Variants in MYH15 observed in about 807,000 individuals in gnomAD.
MYH15 encodes the protein myosin heavy chain 15.
A neutral mutation model predicts 240.5 loss-of-function variants in MYH15; 227 were observed. The observed-to-expected ratio is 0.94, with a 90% CI of 0.85 to 1.05. MYH15 has a LOEUF of 1.05. Among genes scored for constraint, MYH15 ranks in the 50% least tolerant of loss-of-function variants. The probability of loss-of-function intolerance (pLI) is 0.00; values close to 1 mark genes in which losing one functional copy is unlikely to be tolerated. For missense variants in MYH15, 2,217 were observed against 2,247.5 expected (o/e 0.99, Z 0.27); for synonymous variants, 785 against 796.7 (o/e 0.99, Z 0.25).
At chr3:108,461,810 G>A (rs963095912) in intron 16 of MYH15, 2 of 152,170 alleles carry the variant, frequency 1.3e-5, no homozygotes, top group African/African-American at 4.8e-5. Context: ...ATCATGTGCT[G>A]ATGAAGCCAG....
intron 35 of MYH15, among the ~76,000 whole-genome samples, chr3:108,395,309 C>T (rs929204874): frequency 6.6e-6 from 1 of 152,178 alleles, no homozygotes; most frequent in African/African-American, 2.4e-5. Flanking sequence ...TCCAGCATCA[C>T]TGGTTCTATC....
chr3:108,418,542 T>A (rs149659444), intron 28 of MYH15, among the ~76,000 whole-genome samples: 1 of 152,118 alleles, frequency 6.6e-6, no homozygotes, highest in Non-Finnish European at 1.5e-5. Flanking sequence ...TATACTAAAA[T>A]AGCTTCAACC....
intron 1 of MYH15, among the ~76,000 whole-genome samples, chr3:108,509,312 T>C (rs1192469082): frequency 6.6e-6 from 1 of 152,240 alleles, no homozygotes; most frequent in Non-Finnish European, 1.5e-5. Flanking sequence ...CATCATCCAA[T>C]TATCTCTAAT....
intron 33 of MYH15, among the ~76,000 whole-genome samples, chr3:108,401,475 G>A (rs981123794): frequency 2.0e-5 from 3 of 152,208 alleles, no homozygotes; most frequent in African/African-American, 7.2e-5. Flanking sequence ...ATACATTTCT[G>A]CTGTTGAAGC....
At chr3:108,397,581 T>A (rs1000020229) in intron 35 of MYH15, among the ~76,000 whole-genome samples, 1 of 152,224 alleles carries the variant, frequency 6.6e-6, no homozygotes, top group Non-Finnish European at 1.5e-5. Context: ...CAGGTTATGG[T>A]GGGGGTGCCC....
the MYH15 span, among the ~76,000 whole-genome samples, chr3:108,541,323 T>A: frequency 6.6e-6 from 1 of 150,498 alleles, no homozygotes; most frequent in African/African-American, 2.4e-5. Flanking sequence ...GATGAAAAAA[T>A]TACAAATAAA....
chr3:108,421,351 G>T, intron 27 of MYH15, 137 bp from the exon 28 acceptor site: 1 of 1,018,112 alleles, frequency 9.8e-7, no homozygotes, highest in Non-Finnish European at 1.4e-6. Context: ...AGCATTGGGA[G>T]ATCACATCTT....
chr3:108,383,750 A>AAG (rs2082361846), intron 39 of MYH15, 21 bp from the exon 40 acceptor site: 1 of 1,536,334 alleles, frequency 6.5e-7, no homozygotes. Flanking sequence ...AAAAAAAAAA[A>AAG]AAAAGAAATC....
At chr3:108,435,360 A>G (rs1239031266) in intron 25 of MYH15, among the ~76,000 whole-genome samples, 1 of 152,192 alleles carries the variant, frequency 6.6e-6, no homozygotes, top group East Asian at 1.9e-4. Context: ...TTTAAGTACA[A>G]AATGTAGTAT....
chr3:108,491,069 G>A (rs1010665679), intron 9 of MYH15, among the ~76,000 whole-genome samples: 10 of 151,906 alleles, frequency 6.6e-5, no homozygotes, highest in East Asian at 5.8e-4. Flanking sequence ...TGTATTTTTC[G>A]TAGAGACTGG....
At chr3:108,541,462 A>C in the MYH15 span, among the ~76,000 whole-genome samples, 2 of 152,026 alleles carry the variant, frequency 1.3e-5, no homozygotes, top group Non-Finnish European at 2.9e-5. Context: ...CCAGTTAAAA[A>C]AAAAAGATGA....
chr3:108,548,680 T>C, the MYH15 span, among the ~76,000 whole-genome samples: 3 of 152,134 alleles, frequency 2.0e-5, no homozygotes, highest in African/African-American at 7.2e-5. Flanking sequence ...AAGTTGTAAA[T>C]ATAGTTCATA....
upstream of MYH15, among the ~76,000 whole-genome samples, chr3:108,512,152 C>A (rs1238648892): frequency 6.6e-6 from 1 of 152,122 alleles, no homozygotes; most frequent in Non-Finnish European, 1.5e-5. Context: ...GGGAAAAAGA[C>A]AAAACTGATT....
intron 1 of MYH15, among the ~76,000 whole-genome samples, chr3:108,523,503 T>C (rs2083639461): frequency 6.6e-6 from 1 of 152,016 alleles, no homozygotes; most frequent in East Asian, 1.9e-4. Flanking sequence ...TACATACATA[T>C]ATAATACACT....
At chr3:108,451,966 C>T (rs2082977759) in intron 21 of MYH15, among the ~76,000 whole-genome samples, 1 of 139,868 alleles carries the variant, frequency 7.1e-6, no homozygotes, top group Non-Finnish European at 1.5e-5. Flanking sequence ...AGGGAATGTC[C>T]TTCATATAAT....
At chr3:108,432,175 C>T (rs1159463250) in intron 25 of MYH15, among the ~76,000 whole-genome samples, 2 of 152,194 alleles carry the variant, frequency 1.3e-5, no homozygotes, top group Non-Finnish European at 2.9e-5. Flanking sequence ...TCTCCTGCCT[C>T]AGCCTCCTGA....
At chr3:108,421,238 G>A (rs377067945) in intron 27 of MYH15, 24 bp from the exon 28 acceptor site, 3 of 1,606,076 alleles carry the variant, frequency 1.9e-6, no homozygotes, top group African/African-American at 1.3e-5. Flanking sequence ...AAGAAGGGCT[G>A]GTCAGGGCTC....
At chr3:108,457,784 G>A (rs1384352510) in intron 18 of MYH15, among the ~76,000 whole-genome samples, 5 of 152,250 alleles carry the variant, frequency 3.3e-5, no homozygotes, top group South Asian at 4.1e-4. Context: ...CTGTAATCAC[G>A]GCACTTTCAG....
At chr3:108,442,979 A>G (rs553271635) in intron 22 of MYH15, among the ~76,000 whole-genome samples, 65 of 152,090 alleles carry the variant, frequency 4.3e-4, no homozygotes, top group African/African-American at 1.5e-3. Context: ...TGACATGCAT[A>G]TCAAGCTTTT....
Sources: allele counts gnomAD v4.1 joint callset (sites outside exome capture counted in the v4.1 genomes callset), GRCh38; gene constraint gnomAD v4.1.1; transcripts MANE v1.5; gene names NCBI Gene and HGNC (gene_info 2026-07-23, HGNC 2026-07-21).